CHL1: variants seen among roughly 807,000 people sequenced by gnomAD.
The protein encoded by CHL1 is cell adhesion molecule L1 like, also known as neural cell adhesion molecule L1-like protein.
Under a neutral mutation model 141.9 loss-of-function variants are expected in CHL1, and 96 were observed. That is an observed-to-expected ratio of 0.68 (90% CI 0.57 to 0.80). The LOEUF (loss-of-function observed/expected upper bound fraction) is 0.80. Among genes scored for constraint, CHL1 ranks in the 30% least tolerant of loss-of-function variants. The pLI, the probability that CHL1 is intolerant of heterozygous loss-of-function variation, is 0.00. For missense variants in CHL1, 1,820 were observed against 1,457.2 expected, an observed-to-expected ratio of 1.25 and a Z score of -4.05; for synonymous variants, 613 against 502.2, an observed-to-expected ratio of 1.22 and a Z score of -2.95.
intron 1 of CHL1, among the ~76,000 whole-genome samples, chr3:200,390 C>T (rs1698807917): frequency 6.6e-6 from 1 of 152,126 alleles, no homozygotes; most frequent in Non-Finnish European, 1.5e-5. Flanking sequence ...AGAGAATGAA[C>T]TTGTCTCTGT....
chr3:360,429 G>A lies in CHL1; in HGVS notation c.1306+5G>A. On this transcript the variant is annotated splice_donor_5th_base_variant and intron_variant, in intron 12 of 27. Transcript: ENST00000256509. ...ATGCCAATATTGATGTTGTGGGTGA[G>A]TGTGCCTGGGAGCTGACTTAACATG... 1 of 1,612,960 alleles carries A rather than the reference G, an allele frequency of 6.2e-7. No individual in the cohort carries two copies.
At chr3:299,472 T>C (rs1381901475) in intron 2 of CHL1, among the ~76,000 whole-genome samples, 5 of 152,140 alleles carry the variant, frequency 3.3e-5, no homozygotes, top group South Asian at 2.1e-4. Flanking sequence ...TTGCCTCAGA[T>C]GATATATTAG....
intron 2 of CHL1, among the ~76,000 whole-genome samples, chr3:284,426 A>G (rs1268129137): frequency 6.6e-6 from 1 of 152,212 alleles, no homozygotes; most frequent in African/African-American, 2.4e-5. Flanking sequence ...ATATTTGTGA[A>G]AAACACCAGA....
At chr3:402,702 T>C (rs1277000556) in intron 27 of CHL1, among the ~76,000 whole-genome samples, 1 of 152,226 alleles carries the variant, frequency 6.6e-6, no homozygotes, top group Non-Finnish European at 1.5e-5. Context: ...GGTATACTTA[T>C]TTTTCTGTAT....
At chr3:316,575 T>C (rs540909681) in intron 2 of CHL1, among the ~76,000 whole-genome samples, 8 of 152,082 alleles carry the variant, frequency 5.3e-5, no homozygotes, top group South Asian at 2.1e-4. Context: ...TGAGTTGATA[T>C]CATTAATATA....
chr3:222,640 C>G (rs1700950319), intron 1 of CHL1, among the ~76,000 whole-genome samples: 1 of 152,152 alleles, frequency 6.6e-6, no homozygotes, highest in South Asian at 2.1e-4. Context: ...ACTTCAGAGA[C>G]AGGCACTATT....
chr3:255,753 T>C (rs1694096533), intron 2 of CHL1, among the ~76,000 whole-genome samples: 1 of 152,202 alleles, frequency 6.6e-6, no homozygotes, highest in Non-Finnish European at 1.5e-5. Flanking sequence ...TGACTGCCTA[T>C]TGCCATTGCC....
chr3:279,404 G>T (rs563455979), intron 2 of CHL1, among the ~76,000 whole-genome samples: 5 of 152,056 alleles, frequency 3.3e-5, no homozygotes, highest in Admixed American at 2.0e-4. Context: ...TTCTTCTTAA[G>T]GTAAATGCTT....
intron 2 of CHL1, among the ~76,000 whole-genome samples, chr3:249,841 T>C (rs1431653359): frequency 6.6e-6 from 1 of 152,148 alleles, no homozygotes; most frequent in African/African-American, 2.4e-5. Flanking sequence ...ACTGTGAATA[T>C]AGCCAGCTCC....
At chr3:399,179 T>C in intron 26 of CHL1, 31 bp downstream of exon 26, 1 of 1,571,974 alleles carries the variant, frequency 6.4e-7, no homozygotes, top group Admixed American at 1.7e-5. Context: ...GATTTTCAAC[T>C]TATTAAAAAG....
chr3:295,590 T>G (rs1408675927), intron 2 of CHL1, among the ~76,000 whole-genome samples: 1 of 152,166 alleles, frequency 6.6e-6, no homozygotes, highest in Non-Finnish European at 1.5e-5. Flanking sequence ...TAGTCATCCA[T>G]CTCTGTCAGA....
chr3:204,029 C>G (rs1699189444), intron 1 of CHL1, among the ~76,000 whole-genome samples: 2 of 152,192 alleles, frequency 1.3e-5, no homozygotes. Flanking sequence ...ACCACTTTTT[C>G]TTTGTCATTC....
At position 407,363 on chromosome 3, in the gene CHL1, A is replaced by T. The variant is rs1308559295; in HGVS notation, c.*1652A>T. The T allele has an allele frequency of 6.6e-6, 1 of 152,130 alleles. No individual in the cohort carries two copies. The highest frequency in any genetic ancestry group is 2.4e-5 in the African/African-American group (1 of 41,438). 9.4% of individuals were successfully genotyped at this position (152,130 alleles called of 1,614,324 possible). A position where few individuals can be genotyped will look rare whatever the true frequency, so the allele number is the denominator to read the frequency against. On this transcript the variant is annotated 3_prime_UTR_variant, in exon 28 of 28. Transcript: ENST00000256509. Reference sequence around the variant, plus strand: ...GCGCAGGAATGCACATGGAATATCTACTTGTCCTTTTGAACCTCACGAGTC... The same window carrying T: ...GCGCAGGAATGCACATGGAATATCTTCTTGTCCTTTTGAACCTCACGAGTC...
At chr3:330,127 T>C (rs1701322638) in intron 5 of CHL1, among the ~76,000 whole-genome samples, 1 of 152,064 alleles carries the variant, frequency 6.6e-6, no homozygotes, top group Non-Finnish European at 1.5e-5. Context: ...TGATGATATA[T>C]TGGGCTATGA....
At chr3:344,782 G>T in intron 9 of CHL1, 73 bp downstream of exon 9, 1 of 1,365,554 alleles carries the variant, frequency 7.3e-7, no homozygotes, top group East Asian at 2.4e-5. Context: ...AGCACATTAA[G>T]ACTGTGCTTG....
At chr3:374,869 T>C (rs1358157606) in intron 15 of CHL1, among the ~76,000 whole-genome samples, 1 of 152,204 alleles carries the variant, frequency 6.6e-6, no homozygotes, top group Admixed American at 6.5e-5. Context: ...CTTATTACTA[T>C]GCAGAAGACC....
chr3:237,841 G>A (rs1303162648), intron 1 of CHL1, among the ~76,000 whole-genome samples: 1 of 152,174 alleles, frequency 6.6e-6, no homozygotes. Context: ...GTCAATATCT[G>A]TGATTTAGTA....
chr3:272,831 T>C (rs1223114378), intron 2 of CHL1, among the ~76,000 whole-genome samples: 1 of 152,178 alleles, frequency 6.6e-6, no homozygotes, highest in Non-Finnish European at 1.5e-5. Context: ...TGAACTCCCA[T>C]ATTTGCCAGG....
chr3:354,524 T>A (rs1382420348), intron 10 of CHL1, 116 bp from the exon 11 acceptor site: 2 of 1,177,588 alleles, frequency 1.7e-6, no homozygotes, highest in Admixed American at 2.4e-5. Flanking sequence ...AGAGCTACTA[T>A]GAAACCCTTT....
Sources: allele counts gnomAD v4.1 joint callset (sites outside exome capture counted in the v4.1 genomes callset), GRCh38; gene constraint gnomAD v4.1.1; transcripts MANE v1.5; gene names NCBI Gene and HGNC (gene_info 2026-07-23, HGNC 2026-07-21).